Variants in DHX40 observed in about 807,000 individuals in gnomAD.
DHX40 encodes the protein DEAH-box helicase 40, also known as probable ATP-dependent RNA helicase DHX40.
In DHX40, 28 loss-of-function variants were observed where a neutral mutation model predicts 89.6. The ratio of observed to expected loss-of-function variants is 0.31; its 90% confidence interval spans 0.23 to 0.43. DHX40 has a LOEUF of 0.43. DHX40 is among the 20% of genes least tolerant of loss of function. DHX40 has a pLI of 1.00. For missense variants in DHX40, 457 were observed against 844.0 expected (o/e 0.54, Z 5.68); for synonymous variants, 226 against 283.6 (o/e 0.80, Z 2.04).
At chr17:59,567,239 C>G (rs554655871) in intron 2 of DHX40, among the ~76,000 whole-genome samples, 1 of 152,276 alleles carries the variant, frequency 6.6e-6, no homozygotes, top group Non-Finnish European at 1.5e-5. Flanking sequence ...CTTTAAAATA[C>G]GTTAAGTAAA....
At chr17:59,596,957 CGT>C (rs1480624059) in intron 12 of DHX40, among the ~76,000 whole-genome samples, 2 of 147,764 alleles carry the variant, frequency 1.4e-5, no homozygotes, top group Non-Finnish European at 3.0e-5. Flanking sequence ...TGTGATGTGA[CGT>C]GTTAGATTGA....
At chr17:59,605,822 A>G (rs1236508672) in intron 17 of DHX40, 148 bp downstream of exon 17, 1 of 814,516 alleles carries the variant, frequency 1.2e-6, no homozygotes, top group Admixed American at 2.0e-5. Flanking sequence ...AAAATTAGCC[A>G]GGCATGTTGG....
At chr17:59,568,902 A>G (rs925700988) in intron 2 of DHX40, among the ~76,000 whole-genome samples, 18 of 151,896 alleles carry the variant, frequency 1.2e-4, no homozygotes, top group East Asian at 5.8e-4. Flanking sequence ...AGATCTTACT[A>G]TGTCGCCCAG....
intron 3 of DHX40, 133 bp downstream of exon 3, chr17:59,570,796 C>A: frequency 1.2e-6 from 1 of 833,516 alleles, no homozygotes; most frequent in Non-Finnish European, 1.7e-6. Context: ...TGATCTCCTA[C>A]CTCAGCCCCT....
At chr17:59,573,562 G>A (rs1598142535) in intron 4 of DHX40, among the ~76,000 whole-genome samples, 178 bp from the exon 5 acceptor site, 1 of 152,088 alleles carries the variant, frequency 6.6e-6, no homozygotes, top group South Asian at 2.1e-4. Flanking sequence ...TCGACCTCCT[G>A]GCCTCCGACC....
At chr17:59,590,346 A>G (rs1425392750) in intron 12 of DHX40, among the ~76,000 whole-genome samples, 1 of 149,472 alleles carries the variant, frequency 6.7e-6, no homozygotes, top group African/African-American at 2.5e-5. Context: ...GTAGGCTGGA[A>G]GTGTCGGGTC....
intron 12 of DHX40, among the ~76,000 whole-genome samples, chr17:59,590,046 G>C (rs535356285): frequency 5.9e-5 from 9 of 151,964 alleles, no homozygotes; most frequent in African/African-American, 1.7e-4. Flanking sequence ...AAGGAAGATA[G>C]TGCTTTTATA....
In DHX40 at chr17:59,578,151, T is replaced by G. The variant is rs567206478; in HGVS notation, c.1073+786T>G. ...ACTGGGTTATTTATCATTTACCGAA[T>G]ATATTTTATTTCTTTAGCTAAGTCT... On this transcript the variant is annotated intron_variant, in intron 8 of 17. Coordinates refer to ENST00000251241, the MANE Select transcript of DHX40 (RefSeq NM_024612.5). 1.1e-4 allele frequency among the ~76,000 whole-genome samples: 16 copies of G among 150,698 alleles called. 1 individual carries two copies. The South Asian group carries it at 3.2e-3, about 30-fold the overall frequency.
At position 59,608,323 on chromosome 17, in the gene DHX40, A is replaced by G. The variant is rs2030972988; in HGVS notation, c.*1151A>G. On this transcript the variant is annotated 3_prime_UTR_variant, in exon 18 of 18. Transcript: ENST00000251241. ...CACTCAGTGTTTGTTAAATAAAGCT[A>G]TTAGTGTCATTAAAATTCAAAAGAC... 6.6e-6 allele frequency: 1 copy of G among 152,640 alleles called. No homozygotes were observed. The highest frequency in any genetic ancestry group is 1.5e-5 in the Non-Finnish European group (1 of 68,040). The allele number at this position is 152,640 out of a possible 1,614,324, so 9.5% of individuals were successfully genotyped here. A position where few individuals can be genotyped will look rare whatever the true frequency, so the allele number is the denominator to read the frequency against.
Position 59,566,677 on chromosome 17 carries a change from A to G in DHX40, c.163A>G (p.Ile55Val), listed in dbSNP as rs1224870930. Residue 55 changes from isoleucine (I) to valine (V), a missense_variant, in exon 2 of 18, where the codon ATT becomes GTT. By Grantham distance (29) the Ile-to-Val change is conservative. This residue lies in a region of DHX40 where 75 missense variants were observed against 76.8 expected (regional missense o/e 0.98). Transcript: ENST00000251241. ...GGGAGGAACTACTCCAACTTTTCCT[A>G]TTCAGAAACAAAGAAAAAAGATTAT... ...QEGGTTPTFPIQKQRKKIIQA... is the reference protein window; with the variant it reads ...QEGGTTPTFPVQKQRKKIIQA... 4 of 1,605,844 alleles carry G rather than the reference A, an allele frequency of 2.5e-6. No homozygotes were observed. Among genetic ancestry groups the G allele is most frequent in the Non-Finnish European group, 3.4e-6 (4 of 1,177,964 alleles).
chr17:59,588,143 G>C (rs1298299891), intron 12 of DHX40, 90 bp downstream of exon 12: 1 of 1,560,674 alleles, frequency 6.4e-7, no homozygotes, highest in East Asian at 2.3e-5. Flanking sequence ...CACTTTGGGA[G>C]GGCAAGGCAG....
chr17:59,572,129 G>T (rs115250027), intron 3 of DHX40, among the ~76,000 whole-genome samples: 1 of 152,230 alleles, frequency 6.6e-6, no homozygotes, highest in African/African-American at 2.4e-5. Flanking sequence ...CTTTTTAATA[G>T]TGAATATTAT....
At chr17:59,566,437 C>A (rs193290874) in intron 1 of DHX40, among the ~76,000 whole-genome samples, 190 bp from the exon 2 acceptor site, 29 of 152,324 alleles carry the variant, frequency 1.9e-4, no homozygotes, top group Admixed American at 1.6e-3. Flanking sequence ...AAAAGTTGTT[C>A]TGGGCTCATT....
rs1030321431 is a variant in DHX40 at position 59,602,377 on chromosome 17, G to C, written c.1807-145G>C. ...TTTCATGTATTTTTTCCATTTTTTT[G>C]GTTTCAGGTGGAAGGGTAAATCTGG... On this transcript the variant is annotated intron_variant, in intron 14 of 17. Transcript: ENST00000251241. 11 of 569,160 alleles carry C rather than the reference G, an allele frequency of 1.9e-5. No homozygotes were observed. The African/African-American group carries it at 2.1e-4, about 11-fold the overall frequency. 35.3% of individuals were successfully genotyped at this position (569,160 alleles called of 1,614,324 possible).
At chr17:59,576,898 C>G (rs1485445491) in intron 7 of DHX40, among the ~76,000 whole-genome samples, 4 of 148,200 alleles carry the variant, frequency 2.7e-5, no homozygotes, top group African/African-American at 1.0e-4. Flanking sequence ...GAGATGGAGT[C>G]TCGCTCTGTC....
Position 59,602,504 on chromosome 17 carries a change from T to G in DHX40, c.1807-18T>G. On this transcript the variant is annotated intron_variant, in intron 14 of 17. Coordinates refer to ENST00000251241, the MANE Select transcript of DHX40 (RefSeq NM_024612.5). ...TTGTACTATGAGATTTACCACTCTC[T>G]ACATATTCTTTTTATAGCAAAGTGA... The G allele has an allele frequency of 6.3e-7, 1 of 1,590,298 alleles. No individual in the cohort carries two copies. The highest frequency in any genetic ancestry group is 1.1e-5 in the South Asian group (1 of 89,878).
intron 2 of DHX40, among the ~76,000 whole-genome samples, chr17:59,570,187 A>G (rs965555203): frequency 2.4e-5 from 3 of 122,894 alleles, no homozygotes; most frequent in Non-Finnish European, 4.7e-5. Context: ...AATATATATA[A>G]TATATAATAT....
rs558348645 is a variant in DHX40 at position 59,605,580 on chromosome 17, T to C, written c.2106T>C (p.Phe702=). 1 of 1,614,176 alleles carries C rather than the reference T, an allele frequency of 6.2e-7. No individual in the cohort carries two copies. The highest frequency in any genetic ancestry group is 1.7e-5 in the Admixed American group (1 of 60,016). ...VRDLLPKLHE[F]NAHDLSSVAR... is the part of the protein sequence containing the mutation. ...ACTTGTTACCCAAGTTGCATGAATTTAATGCACATGATTTGAGCAGTGTGG... is the reference window on the plus strand; with the variant it reads ...ACTTGTTACCCAAGTTGCATGAATTCAATGCACATGATTTGAGCAGTGTGG... The change falls in exon 17 of 18, where the codon TTT becomes TTC. Residue 702 remains phenylalanine, a synonymous_variant. Coordinates refer to ENST00000251241, the MANE Select transcript of DHX40 (RefSeq NM_024612.5).
intron 4 of DHX40, among the ~76,000 whole-genome samples, 157 bp from the exon 5 acceptor site, chr17:59,573,583 A>G (rs1598142584): frequency 6.6e-6 from 1 of 152,178 alleles, no homozygotes; most frequent in African/African-American, 2.4e-5. Flanking sequence ...TTGGCCTCCC[A>G]AAGTGCTGGG....
Sources: gnomAD v4.1 joint callset for allele counts (sites outside exome capture counted in the v4.1 genomes callset) on GRCh38, gnomAD v4.1.1 for gene constraint, gnomAD v4.1.1 regional missense constraint, MANE v1.5 for transcripts, NCBI Gene and HGNC (gene_info 2026-07-23, HGNC 2026-07-21) for gene names.